SMAD2: variants seen among roughly 807,000 people sequenced by gnomAD.
SMAD2 encodes SMAD family member 2, also known as MAD homolog 2.
In SMAD2, 8 loss-of-function variants were observed where a neutral mutation model predicts 64.4. That is an observed-to-expected ratio of 0.12 (90% CI 0.07 to 0.22). The LOEUF is 0.22. SMAD2 is among the 10% of genes least tolerant of loss of function. SMAD2 has a pLI of 1.00. For missense variants in SMAD2, 289 were observed against 561.2 expected, an observed-to-expected ratio of 0.51 and a Z score of 4.90; for synonymous variants, 203 against 195.8, an observed-to-expected ratio of 1.04 and a Z score of -0.31.
At chr18:47,919,644 C>G (rs1218135082) in intron 1 of SMAD2, among the ~76,000 whole-genome samples, 1 of 152,044 alleles carries the variant, frequency 6.6e-6, no homozygotes, top group African/African-American at 2.4e-5. Context: ...TCGGAGCAAG[C>G]TAAAAAAGAC....
chr18:47,836,669 A>T lies in SMAD2; in HGVS notation c.*5158T>A, dbSNP rs1468498275. 4.6e-6 allele frequency: 1 copy of T among 217,456 alleles called. No homozygotes were observed. Among genetic ancestry groups the T allele is most frequent in the African/African-American group, 2.2e-5 (1 of 44,450 alleles). 13.5% of individuals were successfully genotyped at this position (217,456 alleles called of 1,614,324 possible). On this transcript the variant is annotated 3_prime_UTR_variant, in exon 11 of 11. Coordinates refer to ENST00000262160, the MANE Select transcript of SMAD2 (RefSeq NM_005901.6). ...ATTTCCTTCTTAAAAAGACTGAGGC[A>T]GTTCTGCTATATATAGTTAGCTACA...
At chr18:47,911,079 T>C (rs2034109181) in intron 1 of SMAD2, among the ~76,000 whole-genome samples, 1 of 152,070 alleles carries the variant, frequency 6.6e-6, no homozygotes, top group South Asian at 2.1e-4. Context: ...CTGCCAGGCG[T>C]GGTGGCTCAC....
intron 6 of SMAD2, among the ~76,000 whole-genome samples, chr18:47,864,208 G>A (rs1168288442): frequency 6.6e-6 from 1 of 151,986 alleles, no homozygotes; most frequent in Non-Finnish European, 1.5e-5. Flanking sequence ...TAGTTATCTG[G>A]TACTCCTAAA....
intron 1 of SMAD2, among the ~76,000 whole-genome samples, chr18:47,922,284 C>T (rs567860356): frequency 6.6e-6 from 1 of 152,268 alleles, no homozygotes; most frequent in Non-Finnish European, 1.5e-5. Flanking sequence ...TCATCTAGAA[C>T]ATCTAAGGTC....
rs1369518601 is a variant in SMAD2, at chr18:47,811,240, G to A, written c.*30587C>T. 6.6e-6 allele frequency: 1 copy of A among 152,290 alleles called. No individual in the cohort carries two copies. The highest frequency in any genetic ancestry group is 2.4e-5 in the African/African-American group (1 of 41,434). 9.4% of individuals were successfully genotyped at this position (152,290 alleles called of 1,614,324 possible). A position where few individuals can be genotyped will look rare whatever the true frequency, so the allele number is the denominator to read the frequency against. On this transcript the variant is annotated 3_prime_UTR_variant, in exon 11 of 11. Transcript: ENST00000262160. Reference sequence around the variant, plus strand: ...TAATCCCAGCACTTTGGGAGGCTGAGGCGGGTGGATCACAAGGTCAGGAGA... The same window carrying A: ...TAATCCCAGCACTTTGGGAGGCTGAAGCGGGTGGATCACAAGGTCAGGAGA...
intron 1 of SMAD2, among the ~76,000 whole-genome samples, chr18:47,909,341 G>T (rs1163604745): frequency 6.6e-6 from 1 of 152,178 alleles, no homozygotes; most frequent in African/African-American, 2.4e-5. Flanking sequence ...TGAGAATTTA[G>T]AAACAGGCTG....
At chr18:47,858,300 T>G (rs1163218148) in intron 6 of SMAD2, among the ~76,000 whole-genome samples, 1 of 152,168 alleles carries the variant, frequency 6.6e-6, no homozygotes, top group Non-Finnish European at 1.5e-5. Context: ...AAAAATTCAT[T>G]TAATTGGATT....
intron 1 of SMAD2, among the ~76,000 whole-genome samples, chr18:47,917,116 G>A (rs1376733370): frequency 3.9e-5 from 6 of 152,206 alleles, no homozygotes; most frequent in Non-Finnish European, 7.3e-5. Flanking sequence ...TGCCTCCTGG[G>A]TTCAAGCGAT....
chr18:47,906,742 A>G (rs537479865), intron 1 of SMAD2, among the ~76,000 whole-genome samples: 11 of 152,210 alleles, frequency 7.2e-5, no homozygotes, highest in African/African-American at 2.6e-4. Flanking sequence ...TTCAGCTTCT[A>G]GTGGTTACCT....
intron 1 of SMAD2, among the ~76,000 whole-genome samples, chr18:47,907,370 G>T (rs1280126556): frequency 6.6e-6 from 1 of 152,078 alleles, no homozygotes; most frequent in Admixed American, 6.6e-5. Context: ...TCCACAACAC[G>T]GATCAGTCTC....
chr18:47,890,488 C>T (rs1362211399), intron 2 of SMAD2, among the ~76,000 whole-genome samples: 2 of 152,190 alleles, frequency 1.3e-5, no homozygotes, highest in African/African-American at 4.8e-5. Flanking sequence ...CCTAGAATAT[C>T]TGAATATTTC....
intron 1 of SMAD2, among the ~76,000 whole-genome samples, chr18:47,928,671 G>C (rs1243824744): frequency 1.3e-5 from 2 of 152,302 alleles, no homozygotes; most frequent in East Asian, 3.9e-4. Flanking sequence ...GACCACTTAT[G>C]ACTAAGTAAA....
At chr18:47,844,702 T>A (rs1449561962) in intron 10 of SMAD2, among the ~76,000 whole-genome samples, 3 of 152,200 alleles carry the variant, frequency 2.0e-5, no homozygotes, top group Admixed American at 2.0e-4. Context: ...TTGAACCATG[T>A]GTTACCTGCA....
In SMAD2 at chr18:47,835,779, C is replaced by A. The variant is rs543272697; in HGVS notation, c.*6048G>T. On this transcript the variant is annotated 3_prime_UTR_variant, in exon 11 of 11. Transcript: ENST00000262160. ...TAAAACTTCACTTTTGTCCTTAAATCAATATATTACGGATTTCATTGTTCA... is the reference window on the plus strand; with the variant it reads ...TAAAACTTCACTTTTGTCCTTAAATAAATATATTACGGATTTCATTGTTCA... The A allele has an allele frequency of 2.5e-4, 47 of 189,244 alleles. 1 individual carries two copies. In the South Asian group the frequency reaches 8.2e-3, roughly 33 times the overall value. The allele number at this position is 189,244 out of a possible 1,614,324, so 11.7% of individuals were successfully genotyped here. A position where few individuals can be genotyped will look rare whatever the true frequency, so the allele number is the denominator to read the frequency against.
rs1912447714 is a variant in SMAD2, at chr18:47,818,463, G to A, written c.*23364C>T. 1 of 152,000 alleles carries A rather than the reference G, an allele frequency of 6.6e-6. No individual in the cohort carries two copies. The highest frequency in any genetic ancestry group is 2.4e-5 in the African/African-American group (1 of 41,372). The allele number at this position is 152,000 out of a possible 1,614,324, so 9.4% of individuals were successfully genotyped here. A position where few individuals can be genotyped will look rare whatever the true frequency, so the allele number is the denominator to read the frequency against. ...AAACAGGTCAAAATCTTGAGCTCAG[G>A]GCAATAATATAAGGTATCTCTGGTA... On this transcript the variant is annotated 3_prime_UTR_variant, in exon 11 of 11. Coordinates refer to ENST00000262160, the MANE Select transcript of SMAD2 (RefSeq NM_005901.6).
Position 47,810,768 on chromosome 18 carries a change from C to G in SMAD2, c.*31059G>C, listed in dbSNP as rs1912174381. ...TGGGCAACACAGCAAGATCCTGTCTCTGTTAAAAAAGAAGAAAGGAAATGT... is the reference window on the plus strand; with the variant it reads ...TGGGCAACACAGCAAGATCCTGTCTGTGTTAAAAAAGAAGAAAGGAAATGT... On this transcript the variant is annotated 3_prime_UTR_variant, in exon 11 of 11. Coordinates refer to ENST00000262160, the MANE Select transcript of SMAD2 (RefSeq NM_005901.6). The G allele has an allele frequency of 6.6e-6, 1 of 152,028 alleles. No individual in the cohort carries two copies. The highest frequency in any genetic ancestry group is 1.5e-5 in the Non-Finnish European group (1 of 68,014). The allele number at this position is 152,028 out of a possible 1,614,324, so 9.4% of individuals were successfully genotyped here.
intron 5 of SMAD2, among the ~76,000 whole-genome samples, chr18:47,865,423 G>C (rs1006122320): frequency 6.6e-6 from 1 of 152,024 alleles, no homozygotes; most frequent in Admixed American, 6.5e-5. Flanking sequence ...AGCCAAAAAC[G>C]TAACTTTAAA....
intron 8 of SMAD2, 55 bp from the exon 9 acceptor site, chr18:47,845,855 C>A (rs546554852): frequency 2.0e-6 from 3 of 1,517,650 alleles, no homozygotes; most frequent in Non-Finnish European, 1.8e-6. Context: ...TTCAGTGTGA[C>A]TTTGGAAGCA....
rs117104565 is a variant in SMAD2, at chr18:47,878,693, T to A, written c.237-8129A>T. Reference sequence around the variant, plus strand: ...GAGGAATATCTCAGAAAAGAAAAACTCAACAGTTTCTAAGTATTTATTCCA... The same window carrying A: ...GAGGAATATCTCAGAAAAGAAAAACACAACAGTTTCTAAGTATTTATTCCA... On this transcript the variant is annotated intron_variant, in intron 2 of 10. Coordinates refer to ENST00000262160, the MANE Select transcript of SMAD2 (RefSeq NM_005901.6). Among the ~76,000 whole-genome samples the A allele has an allele frequency of 7.5e-4, 114 of 152,184 alleles. 2 individuals carry two copies. In the East Asian group the frequency reaches 0.014, roughly 18 times the overall value.
Sources: gnomAD v4.1 joint callset for allele counts (sites outside exome capture counted in the v4.1 genomes callset) on GRCh38, gnomAD v4.1.1 for gene constraint, MANE v1.5 for transcripts, NCBI Gene and HGNC (gene_info 2026-07-23, HGNC 2026-07-21) for gene names.